The following FNIP2 variants were observed in gnomAD, a reference collection of about 807,000 sequenced individuals.
FNIP2 encodes folliculin interacting protein 2.
Under a neutral mutation model 108.7 loss-of-function variants are expected in FNIP2, and 32 were observed. The ratio of observed to expected loss-of-function variants is 0.29; its 90% confidence interval spans 0.22 to 0.40. The LOEUF (loss-of-function observed/expected upper bound fraction) is 0.40. Among genes scored for constraint, FNIP2 ranks in the 10% least tolerant of loss-of-function variants. FNIP2 has a pLI of 1.00. For synonymous variants in FNIP2, 480 were observed against 496.7 expected (o/e 0.97, Z 0.45); for missense variants, 1,202 against 1,381.6 (o/e 0.87, Z 2.06).
chr4:158,862,826 C>T (rs1780370848), intron 12 of FNIP2, among the ~76,000 whole-genome samples: 1 of 152,136 alleles, frequency 6.6e-6, no homozygotes, highest in Non-Finnish European at 1.5e-5. Flanking sequence ...AACTTAGTCT[C>T]ATTAAGTGGA....
chr4:158,890,104 T>C (rs1350020722), intron 14 of FNIP2: 3 of 985,422 alleles, frequency 3.0e-6, no homozygotes, highest in Non-Finnish European at 3.6e-6. Flanking sequence ...CTTGGGAAAC[T>C]GGGCTTTATG....
rs535315003 is a variant in FNIP2, at chr4:158,863,115, G to T, written c.1465+1339G>T. Among the ~76,000 whole-genome samples, 8 of 152,320 alleles carry T rather than the reference G, an allele frequency of 5.3e-5. No individual in the cohort carries two copies. The South Asian group carries it at 1.7e-3, about 32-fold the overall frequency. On this transcript the variant is annotated intron_variant, in intron 12 of 16. Transcript: ENST00000264433. Reference sequence around the variant, plus strand: ...TCCCTTCCCCCAAACAATCCATCAGGGGTCTGGCTATTGACAAGAGGAGTG... The same window carrying T: ...TCCCTTCCCCCAAACAATCCATCAGTGGTCTGGCTATTGACAAGAGGAGTG...
Position 158,840,457 on chromosome 4 carries a change from G to A in FNIP2, c.727+4981G>A, listed in dbSNP as rs78628919. On this transcript the variant is annotated intron_variant, in intron 7 of 16. Coordinates refer to ENST00000264433, the MANE Select transcript of FNIP2 (RefSeq NM_020840.3). ...GTCACCCAGGCTGGAGTGCAGTGGC[G>A]CAATCTCAGCTCACTGCAACCTCCG... Among the ~76,000 whole-genome samples the A allele has an allele frequency of 8.0e-3, 1,217 of 151,950 alleles. 34 individuals are homozygous for A. In the East Asian group the frequency reaches 0.12, roughly 15 times the overall value.
intron 7 of FNIP2, among the ~76,000 whole-genome samples, chr4:158,843,413 C>T (rs1228210724): frequency 6.6e-6 from 1 of 152,152 alleles, no homozygotes; most frequent in Non-Finnish European, 1.5e-5. Context: ...CATCCAGCAG[C>T]GTTTCTTGAG....
chr4:158,896,505 A>C (rs186042617), intron 16 of FNIP2, among the ~76,000 whole-genome samples: 10 of 152,248 alleles, frequency 6.6e-5, no homozygotes, highest in Non-Finnish European at 1.2e-4. Flanking sequence ...CATTTGGGGA[A>C]CTGCCCCCGC....
At chr4:158,840,282 T>C (rs1779049663) in intron 7 of FNIP2, among the ~76,000 whole-genome samples, 1 of 152,194 alleles carries the variant, frequency 6.6e-6, no homozygotes, top group East Asian at 1.9e-4. Context: ...TTGGGATACA[T>C]TTTTACCTAG....
chr4:158,861,325 C>T lies in FNIP2; in HGVS notation c.1149-17C>T, dbSNP rs568870355. 2 of 1,598,638 alleles carry T rather than the reference C, an allele frequency of 1.3e-6. No homozygotes were observed. Among genetic ancestry groups the T allele is most frequent in the South Asian group, 2.3e-5 (2 of 87,628 alleles). On this transcript the variant is annotated splice_polypyrimidine_tract_variant and intron_variant, in intron 10 of 16. Coordinates refer to ENST00000264433, the MANE Select transcript of FNIP2 (RefSeq NM_020840.3). The stretch of plus-strand genomic sequence containing the variant: ...ATTTCTGACACTTTTGTGTTTCCCT[C>T]TCTTTCTGTTCTATAGAGGAACTAT...
At position 158,826,197 on chromosome 4, in the gene FNIP2, C is replaced by G. The variant is rs150748124; in HGVS notation, c.234+155C>G. On this transcript the variant is annotated intron_variant, in intron 2 of 16. Coordinates refer to ENST00000264433, the MANE Select transcript of FNIP2 (RefSeq NM_020840.3). ...ATAAGCAAGCATTGAATCCTTTAAT[C>G]AAAGCCCTACCCCCAACAGGCATGA... Among the ~76,000 whole-genome samples, 220 of 152,314 alleles carry G rather than the reference C, an allele frequency of 1.4e-3. 2 individuals are homozygous for G. The highest frequency in any genetic ancestry group is 5.1e-3 in the African/African-American group (211 of 41,558).
At chr4:158,834,316 C>CTCTCTT (rs1163717147) in intron 6 of FNIP2, 1 of 149,760 alleles carries the variant, frequency 6.7e-6, no homozygotes, top group Non-Finnish European at 1.5e-5. Context: ...CTCTCTCTCT[C>CTCTCTT]TCTCTCTCTC....
intron 1 of FNIP2, chr4:158,796,134 C>G (rs1454435708): frequency 6.6e-6 from 1 of 152,110 alleles, no homozygotes; most frequent in African/African-American, 2.4e-5. Flanking sequence ...TTCTATCTTC[C>G]TATTACAAAT....
intron 10 of FNIP2, among the ~76,000 whole-genome samples, chr4:158,860,466 C>G (rs1285115374): frequency 6.6e-6 from 1 of 152,078 alleles, no homozygotes; most frequent in East Asian, 1.9e-4. Context: ...TAACATGTTA[C>G]TTATTATCTG....
At chr4:158,785,209 C>T (rs987151784) in intron 1 of FNIP2, among the ~76,000 whole-genome samples, 3 of 151,424 alleles carry the variant, frequency 2.0e-5, no homozygotes, top group African/African-American at 4.9e-5. Context: ...CTCAGCCTCC[C>T]GAGTAGATGG....
chr4:158,885,038 C>G (rs184023215), intron 14 of FNIP2, among the ~76,000 whole-genome samples: 225 of 151,920 alleles, frequency 1.5e-3, no homozygotes, highest in African/African-American at 4.1e-3. Context: ...TGCCTGTAGT[C>G]CCAGCTACTC....
At chr4:158,898,327 T>C (rs1048129962) in intron 16 of FNIP2, among the ~76,000 whole-genome samples, 4 of 152,214 alleles carry the variant, frequency 2.6e-5, no homozygotes, top group Non-Finnish European at 5.9e-5. Context: ...GCAGGCTCTT[T>C]TTTGGTTCCA....
chr4:158,857,780 C>A (rs866367277), intron 8 of FNIP2, among the ~76,000 whole-genome samples: 41 of 137,070 alleles, frequency 3.0e-4, no homozygotes, highest in South Asian at 7.3e-4. Flanking sequence ...CCATCTCTAC[C>A]AAAAAAAAAA....
chr4:158,869,479 T>G (rs1254599184), intron 13 of FNIP2, 51 bp downstream of exon 13: 2 of 1,502,276 alleles, frequency 1.3e-6, no homozygotes, highest in Non-Finnish European at 1.8e-6. Context: ...AATCCCACTT[T>G]CCTGGCCTGA....
intron 1 of FNIP2, among the ~76,000 whole-genome samples, chr4:158,787,797 A>C (rs1192289559): frequency 6.6e-6 from 1 of 152,192 alleles, no homozygotes; most frequent in Non-Finnish European, 1.5e-5. Flanking sequence ...CTGAAAATCA[A>C]GTCCAGCCTC....
Position 158,877,949 on chromosome 4 carries a change from C to T in FNIP2, c.2949+7480C>T, listed in dbSNP as rs562605799. On this transcript the variant is annotated intron_variant, in intron 14 of 16. Coordinates refer to ENST00000264433, the MANE Select transcript of FNIP2 (RefSeq NM_020840.3). ...AGTGAGACCCCGTCTCCTCCCCCAC[C>T]CCCCCTCACCCACCGACCAGCCAAA... Among the ~76,000 whole-genome samples the T allele has an allele frequency of 1.2e-4, 18 of 151,866 alleles. No individual in the cohort carries two copies. In the South Asian group the frequency reaches 3.1e-3, roughly 26 times the overall value.
intron 10 of FNIP2, among the ~76,000 whole-genome samples, chr4:158,860,758 G>A (rs1780240504): frequency 6.6e-6 from 1 of 150,514 alleles, no homozygotes; most frequent in Admixed American, 6.7e-5. Context: ...CTGGGTTCAA[G>A]CGATTCTCCT....
Sources: allele counts gnomAD v4.1 joint callset (sites outside exome capture counted in the v4.1 genomes callset), GRCh38; gene constraint gnomAD v4.1.1; transcripts MANE v1.5; gene names NCBI Gene and HGNC (gene_info 2026-07-23, HGNC 2026-07-21).